EPHA6: variants seen among roughly 807,000 people sequenced by gnomAD.
EPHA6 encodes EPH receptor A6, also known as ephrin type-A receptor 6.
In EPHA6, 50 loss-of-function variants were observed where a neutral mutation model predicts 112.0. The observed-to-expected ratio is 0.45, with a 90% CI of 0.36 to 0.56. EPHA6 has a LOEUF of 0.56. EPHA6 is among the 20% of genes least tolerant of loss of function. EPHA6 has a pLI of 0.00. For synonymous variants in EPHA6, 529 were observed against 490.7 expected (o/e 1.08, Z -1.03); for missense variants, 1,280 against 1,417.4 (o/e 0.90, Z 1.56).
chr3:96,829,945 GCGCGC>G (rs1273737853), intron 1 of EPHA6, among the ~76,000 whole-genome samples: 2 of 86,968 alleles, frequency 2.3e-5, no homozygotes, highest in African/African-American at 7.8e-5. Context: ...ATGTGCGCGC[GCGCGC>G]ACACACACAC....
At chr3:96,832,921 A>G (rs965872316) in intron 1 of EPHA6, among the ~76,000 whole-genome samples, 2 of 151,910 alleles carry the variant, frequency 1.3e-5, no homozygotes, top group Admixed American at 6.6e-5. Flanking sequence ...AGTTTAGTAT[A>G]TTTATGTAAT....
intron 2 of EPHA6, among the ~76,000 whole-genome samples, chr3:96,875,522 A>G (rs1334790674): frequency 2.0e-5 from 3 of 152,124 alleles, no homozygotes; most frequent in Non-Finnish European, 4.4e-5. Context: ...TTCTATGGTG[A>G]GGAAGAAAAG....
At chr3:97,711,655 A>G (rs2033974299) in intron 14 of EPHA6, among the ~76,000 whole-genome samples, 1 of 152,146 alleles carries the variant, frequency 6.6e-6, no homozygotes, top group Non-Finnish European at 1.5e-5. Context: ...GCTCCAGAAG[A>G]GAAAGCAAAC....
intron 14 of EPHA6, among the ~76,000 whole-genome samples, chr3:97,667,613 C>G (rs1173761369): frequency 6.6e-6 from 1 of 152,130 alleles, no homozygotes; most frequent in East Asian, 1.9e-4. Flanking sequence ...AATAAATTAT[C>G]ATACAATACA....
chr3:97,189,963 G>T (rs1212798230), intron 3 of EPHA6, among the ~76,000 whole-genome samples: 1 of 150,320 alleles, frequency 6.7e-6, no homozygotes, highest in Non-Finnish European at 1.5e-5. Context: ...GTTGGTAACA[G>T]TGTATTGGAG....
chr3:97,244,001 C>T lies in EPHA6; in HGVS notation c.1320C>T (p.Ala440=), dbSNP rs368962314. Residue 440 remains alanine, a synonymous_variant, in exon 5 of 18, where the codon GCC becomes GCT. Coordinates refer to ENST00000389672, the MANE Select transcript of EPHA6 (RefSeq NM_001080448.3). ...RNVVFNINET[A]LILEWSPPSD... ...TGGTTTTTAACATCAATGAAACAGC[C>T]CTTATTTTGGAATGGAGCCCACCAA... 7 of 1,612,054 alleles carry T rather than the reference C, an allele frequency of 4.3e-6. No individual in the cohort carries two copies. The highest frequency in any genetic ancestry group is 1.1e-5 in the South Asian group (1 of 90,962).
intron 14 of EPHA6, among the ~76,000 whole-genome samples, chr3:97,709,138 C>A (rs192406855): frequency 2.8e-5 from 4 of 141,720 alleles, no homozygotes; most frequent in African/African-American, 1.1e-4. Context: ...GTTACATACA[C>A]CTGGCCCCAT....
Position 96,866,718 on chromosome 3 carries a change from AGTAAGT to A in EPHA6, c.386-102_386-97del, listed in dbSNP as rs1188456128. ...CATTAAACTTAATTCAGTGAATAAT[AGTAAGT>A]GTAATTGACATTAATGATTTTTATT... is the stretch of plus-strand genomic sequence containing the variant. On this transcript the variant is annotated intron_variant, in intron 1 of 17. Coordinates refer to ENST00000389672, the MANE Select transcript of EPHA6 (RefSeq NM_001080448.3). The A allele has an allele frequency of 2.2e-5, 12 of 540,794 alleles. No individual in the cohort carries two copies. In the African/African-American group the frequency reaches 2.4e-4, roughly 11 times the overall value. The allele number at this position is 540,794 out of a possible 1,614,324, so 33.5% of individuals were successfully genotyped here.
At chr3:97,058,567 G>C (rs1401474698) in intron 3 of EPHA6, among the ~76,000 whole-genome samples, 1 of 152,144 alleles carries the variant, frequency 6.6e-6, no homozygotes, top group Non-Finnish European at 1.5e-5. Flanking sequence ...CTCCCAAAGT[G>C]CTGGGATTAC....
intron 5 of EPHA6, among the ~76,000 whole-genome samples, chr3:97,387,461 G>A (rs2086139140): frequency 6.6e-6 from 1 of 152,000 alleles, no homozygotes. Flanking sequence ...CAGATTTTTA[G>A]AGCTGGGGCA....
chr3:97,535,858 C>T (rs1470306790), intron 11 of EPHA6, among the ~76,000 whole-genome samples: 3 of 151,812 alleles, frequency 2.0e-5, no homozygotes, highest in African/African-American at 2.4e-5. Context: ...TTTTTTATCT[C>T]ATATAGGATT....
intron 5 of EPHA6, among the ~76,000 whole-genome samples, chr3:97,357,333 A>G (rs1577077815): frequency 6.6e-6 from 1 of 152,158 alleles, no homozygotes; most frequent in South Asian, 2.1e-4. Flanking sequence ...AACCCTCTCA[A>G]GTAGCTGGGA....
At chr3:97,276,131 C>A (rs2080070453) in intron 5 of EPHA6, among the ~76,000 whole-genome samples, 1 of 152,004 alleles carries the variant, frequency 6.6e-6, no homozygotes, top group South Asian at 2.1e-4. Flanking sequence ...GAATTAGTAG[C>A]CTCTGTATTG....
intron 3 of EPHA6, among the ~76,000 whole-genome samples, chr3:97,125,035 C>G (rs1381043193): frequency 6.6e-6 from 1 of 152,096 alleles, no homozygotes; most frequent in Non-Finnish European, 1.5e-5. Flanking sequence ...GATTTCACCT[C>G]ATAGGAAAAA....
intron 13 of EPHA6, among the ~76,000 whole-genome samples, chr3:97,625,712 T>C (rs1240713762): frequency 6.6e-6 from 1 of 151,794 alleles, no homozygotes; most frequent in Non-Finnish European, 1.5e-5. Context: ...TTAATGTTTG[T>C]AATTGTTGTA....
Position 97,327,987 on chromosome 3 carries a change from ATG to A in EPHA6, c.1607-77161_1607-77160del, listed in dbSNP as rs1559887854. Among the ~76,000 whole-genome samples the A allele has an allele frequency of 1.8e-3, 254 of 140,510 alleles. 6 individuals are homozygous for A. The highest frequency in any genetic ancestry group is 6.6e-3 in the African/African-American group (228 of 34,582). 92.2% of individuals were successfully genotyped at this position (140,510 alleles called of 152,430 possible). On this transcript the variant is annotated intron_variant, in intron 5 of 17. Coordinates refer to ENST00000389672, the MANE Select transcript of EPHA6 (RefSeq NM_001080448.3). ...TATATATATGTATATGTGCATATAT[ATG>A]TATATGTGTATGTATATGTATATGT...
intron 5 of EPHA6, among the ~76,000 whole-genome samples, chr3:97,353,902 C>T (rs1328684018): frequency 6.6e-6 from 1 of 152,116 alleles, no homozygotes; most frequent in Admixed American, 6.5e-5. Flanking sequence ...GTTACCCCTC[C>T]CCCAGATCCA....
At chr3:97,563,085 T>A (rs2093213765) in intron 11 of EPHA6, among the ~76,000 whole-genome samples, 1 of 152,316 alleles carries the variant, frequency 6.6e-6, no homozygotes, top group South Asian at 2.1e-4. Flanking sequence ...TATTGCAATA[T>A]TTACTTTATT....
At chr3:96,843,267 G>C (rs995083401) in intron 1 of EPHA6, among the ~76,000 whole-genome samples, 3 of 152,034 alleles carry the variant, frequency 2.0e-5, no homozygotes, top group African/African-American at 7.2e-5. Flanking sequence ...TAACTAAAGA[G>C]GTGTTTGCTT....
Sources: allele counts gnomAD v4.1 joint callset (sites outside exome capture counted in the v4.1 genomes callset), GRCh38; gene constraint gnomAD v4.1.1; transcripts MANE v1.5; gene names NCBI Gene and HGNC (gene_info 2026-07-23, HGNC 2026-07-21).